The following FN1 variants were observed in gnomAD, a reference collection of about 807,000 sequenced individuals.
FN1 encodes fibronectin.
FN1 carries 106 observed loss-of-function variants against 297.3 expected under a neutral mutation model. The observed-to-expected ratio is 0.36, with a 90% CI of 0.30 to 0.42. The LOEUF is 0.42. Among genes scored for constraint, FN1 ranks in the 10% least tolerant of loss-of-function variants. FN1 has a pLI of 1.00. For synonymous variants in FN1, 1,149 were observed against 1,152.6 expected, an observed-to-expected ratio of 1.00 and a Z score of 0.06; for missense variants, 2,690 against 3,124.9, an observed-to-expected ratio of 0.86 and a Z score of 3.32.
intron 6 of FN1, among the ~76,000 whole-genome samples, chr2:215,426,659 T>C (rs1252530198): frequency 1.3e-5 from 2 of 152,152 alleles, no homozygotes; most frequent in Non-Finnish European, 2.9e-5. Context: ...CACTCTACCA[T>C]GGAGAGTATG....
chr2:215,380,118 T>C (rs914031762), intron 33 of FN1: 2 of 152,550 alleles, frequency 1.3e-5, no homozygotes, highest in African/African-American at 2.4e-5. Context: ...CAGATATGGC[T>C]GCTAAATTTG....
Position 215,404,661 on chromosome 2 carries a change from AAAAAAGATG to A in FN1, c.2987-15_2987-7del. The A allele has an allele frequency of 1.2e-6, 2 of 1,610,966 alleles. No homozygotes were observed. Among genetic ancestry groups the A allele is most frequent in the Non-Finnish European group, 1.7e-6 (2 of 1,177,130 alleles). On this transcript the variant is annotated splice_region_variant and splice_polypyrimidine_tract_variant and intron_variant, in intron 19 of 45. Coordinates refer to ENST00000354785, the MANE Select transcript of FN1 (RefSeq NM_212482.4). ...GTTAGTGGGAGCATCCAGTTCTAGG[AAAAAAGATG>A]AAACATGCCAAGAAATATTTAGATC... is the stretch of plus-strand genomic sequence containing the variant.
Position 215,425,152 on chromosome 2 carries a change from T to C in FN1, c.978A>G (p.Gln326=), listed in dbSNP as rs2106449864. The change falls in exon 7 of 46, where the codon CAA becomes CAG. Residue 326 remains glutamine (Q), a synonymous_variant. Coordinates refer to ENST00000354785, the MANE Select transcript of FN1 (RefSeq NM_212482.4). Reference sequence around the variant, plus strand: ...ACGTGCAAAGCATTTGCTTATTTCCTTGTGTCTTCAGCCACTGCATCCCCA... The same window carrying C: ...ACGTGCAAAGCATTTGCTTATTTCCCTGTGTCTTCAGCCACTGCATCCCCA... ...YSVGMQWLKT[Q]GNKQMLCTCL... 6.2e-7 allele frequency: 1 copy of C among 1,614,226 alleles called. No homozygotes were observed. The highest frequency in any genetic ancestry group is 8.5e-7 in the Non-Finnish European group (1 of 1,180,050).
At chr2:215,375,126 C>A in intron 38 of FN1, 88 bp downstream of exon 38, 1 of 1,292,576 alleles carries the variant, frequency 7.7e-7, no homozygotes, top group Non-Finnish European at 1.1e-6. Context: ...TCTCATGACA[C>A]AGTATCAAAG....
chr2:215,397,294 C>T, intron 22 of FN1, 71 bp from the exon 23 acceptor site: 2 of 1,049,562 alleles, frequency 1.9e-6, no homozygotes, highest in Non-Finnish European at 3.0e-6. Context: ...TTTCCTCCTT[C>T]CCTACCTCCC....
intron 31 of FN1, among the ~76,000 whole-genome samples, chr2:215,382,949 T>G (rs2058413066): frequency 6.6e-6 from 1 of 151,590 alleles, no homozygotes; most frequent in Admixed American, 6.6e-5. Context: ...TAAAAAAGAA[T>G]ATTAGGTGGT....
rs189190490 is a variant in FN1, at chr2:215,432,567, G to A, written c.416-603C>T. On this transcript the variant is annotated intron_variant, in intron 3 of 45. Coordinates refer to ENST00000354785, the MANE Select transcript of FN1 (RefSeq NM_212482.4). ...TGGATAAACCCTAACATGAAATATG[G>A]GGAAAGTTGATTGGGCCTATTCACA... Among the ~76,000 whole-genome samples the A allele has an allele frequency of 5.9e-3, 898 of 152,248 alleles. 4 individuals carry two copies. The highest frequency in any genetic ancestry group is 0.01 in the Non-Finnish European group (700 of 68,004).
chr2:215,421,129 T>C (rs1048477156), intron 10 of FN1: 1 of 340,152 alleles, frequency 2.9e-6, no homozygotes, highest in Admixed American at 4.2e-5. Context: ...ATTTCTTGCT[T>C]AGTTGATAAT....
chr2:215,429,352 C>T (rs556028685), intron 5 of FN1, among the ~76,000 whole-genome samples: 5 of 152,104 alleles, frequency 3.3e-5, no homozygotes, highest in Non-Finnish European at 5.9e-5. Context: ...TTAGTCTATG[C>T]GTGCATTTAT....
chr2:215,361,924 A>C lies in FN1; in HGVS notation c.7362+45T>G. The C allele has an allele frequency of 1.9e-6, 3 of 1,604,730 alleles. No homozygotes were observed. The South Asian group carries it at 3.3e-5, about 18-fold the overall frequency. ...TGAAGAAAGATACCTGTAGAAAGAG[A>C]CTGTCTAGTATGAGGGAACACACTT... is the stretch of plus-strand genomic sequence containing the variant. On this transcript the variant is annotated intron_variant, in intron 45 of 45. Coordinates refer to ENST00000354785, the MANE Select transcript of FN1 (RefSeq NM_212482.4).
chr2:215,423,533 G>C lies in FN1; in HGVS notation c.1217-7C>G. On this transcript the variant is annotated splice_polypyrimidine_tract_variant and splice_region_variant and intron_variant, in intron 8 of 45. Coordinates refer to ENST00000354785, the MANE Select transcript of FN1 (RefSeq NM_212482.4). ...CCTCGAGTCTGAACCAAAACTGCCAGGAACAATACACAACAAAGAAGGAAA... is the reference window on the plus strand; with the variant it reads ...CCTCGAGTCTGAACCAAAACTGCCACGAACAATACACAACAAAGAAGGAAA... 1 of 1,613,748 alleles carries C rather than the reference G, an allele frequency of 6.2e-7. No individual in the cohort carries two copies. The highest frequency in any genetic ancestry group is 1.6e-4 in the Middle Eastern group (1 of 6,062).
chr2:215,372,112 C>T lies in FN1; in HGVS notation c.6511G>A (p.Val2171Ile), dbSNP rs369532159. The change falls in exon 40 of 46, where the codon GTA becomes ATA. Residue 2171 changes from valine to isoleucine, a missense_variant. Val to Ile is a conservative substitution (Grantham distance 29). This residue lies in a region of FN1 where 1,743 missense variants were observed against 1,945.2 expected (regional missense o/e 0.90). Transcript: ENST00000354785. Reference sequence around the variant, plus strand: ...TGACCAATTTGGATTTCCTCACCTACATTCGGCGGGTATGGTCTTGGCCTA... The same window carrying T: ...TGACCAATTTGGATTTCCTCACCTATATTCGGCGGGTATGGTCTTGGCCTA... ...RHRPRPYPPN[V>I]GEEIQIGHIP... is the part of the protein sequence containing the mutation. The T allele has an allele frequency of 3.1e-6, 5 of 1,614,236 alleles. No individual in the cohort carries two copies. The highest frequency in any genetic ancestry group is 1.1e-5 in the South Asian group (1 of 91,086).
intron 12 of FN1, 68 bp from the exon 13 acceptor site, chr2:215,415,026 T>C: frequency 8.2e-7 from 1 of 1,214,850 alleles, no homozygotes; most frequent in Non-Finnish European, 1.2e-6. Flanking sequence ...ACTGTGTACA[T>C]GGACAGTCAT....
At chr2:215,431,758 G>A (rs774861597) in intron 4 of FN1, 75 bp downstream of exon 4, 22 of 1,458,748 alleles carry the variant, frequency 1.5e-5, no homozygotes, top group Non-Finnish European at 2.1e-5. Context: ...TATGACCTAT[G>A]TAGATGTGAT....
chr2:215,376,240 TAAGA>T (rs942796112), intron 36 of FN1, among the ~76,000 whole-genome samples: 3 of 152,210 alleles, frequency 2.0e-5, no homozygotes, highest in South Asian at 4.1e-4. Flanking sequence ...ATTTTTTAAA[TAAGA>T]AAGGGCACAA....
chr2:215,367,489 T>A (rs1413812638), intron 42 of FN1, among the ~76,000 whole-genome samples: 3 of 152,214 alleles, frequency 2.0e-5, no homozygotes, highest in Non-Finnish European at 4.4e-5. Flanking sequence ...ACCTCTGATC[T>A]CATTCAACAC....
intron 32 of FN1, 103 bp from the exon 33 acceptor site, chr2:215,381,183 G>A: frequency 8.7e-7 from 1 of 1,145,812 alleles, no homozygotes. Flanking sequence ...TTTCTTTGAT[G>A]AAGTCCAATT....
intron 28 of FN1, 91 bp from the exon 29 acceptor site, chr2:215,385,067 G>T: frequency 1.1e-6 from 1 of 896,740 alleles, no homozygotes; most frequent in South Asian, 1.4e-5. Flanking sequence ...TTGTCTTAAT[G>T]ATTCTTCCAT....
At chr2:215,372,670 G>C (rs1464938880) in intron 39 of FN1, among the ~76,000 whole-genome samples, 1 of 152,218 alleles carries the variant, frequency 6.6e-6, no homozygotes, top group African/African-American at 2.4e-5. Context: ...TAGACCTAAT[G>C]GAACTGAAAT....
Sources: gnomAD v4.1 joint callset for allele counts (sites outside exome capture counted in the v4.1 genomes callset) on GRCh38, gnomAD v4.1.1 for gene constraint, gnomAD v4.1.1 regional missense constraint, MANE v1.5 for transcripts, NCBI Gene and HGNC (gene_info 2026-07-23, HGNC 2026-07-21) for gene names.